The following DUSP29 variants were observed in gnomAD, a reference collection of about 807,000 sequenced individuals.
DUSP29 encodes atypical dual-specific protein phosphatase.
In DUSP29, 12 loss-of-function variants were observed where a neutral mutation model predicts 13.5. That is an observed-to-expected ratio of 0.89 (90% CI 0.57 to 1.44). The LOEUF is 1.44. Among genes scored for constraint, DUSP29 ranks in the 40% most tolerant of loss-of-function variants. The probability of loss-of-function intolerance (pLI) is 0.00; values close to 1 mark genes in which losing one functional copy is unlikely to be tolerated. For missense variants in DUSP29, 308 were observed against 301.1 expected (o/e 1.02, Z -0.17); for synonymous variants, 134 against 128.7 (o/e 1.04, Z -0.28).
intron 1 of DUSP29, among the ~76,000 whole-genome samples, chr10:75,073,019 G>A (rs1038087323): frequency 8.7e-5 from 13 of 149,686 alleles, no homozygotes; most frequent in African/African-American, 2.7e-4. Context: ...CCACGGCAGC[G>A]TCATCCCCAA....
intron 3 of DUSP29, among the ~76,000 whole-genome samples, chr10:75,040,456 C>T (rs1354501150): frequency 2.6e-5 from 4 of 152,156 alleles, no homozygotes; most frequent in East Asian, 1.9e-4. Context: ...CGGAGGATGC[C>T]GAATCGGGGG....
rs570669150 is a variant in DUSP29 at position 75,041,246 on chromosome 10, G to A, written c.421+2551C>T. Among the ~76,000 whole-genome samples the A allele has an allele frequency of 3.0e-4, 46 of 152,290 alleles. 1 individual carries two copies. In the South Asian group the frequency reaches 9.1e-3, roughly 30 times the overall value. ...GTGGCATTGCTGCTGCTGAGCTAGC[G>A]GGCATTTTGTTTGGTTGCTCTGGCC... is the stretch of plus-strand genomic sequence containing the variant. On this transcript the variant is annotated intron_variant, in intron 3 of 3. Transcript: ENST00000338487.
intron 2 of DUSP29, among the ~76,000 whole-genome samples, chr10:75,045,041 T>A (rs542221928): frequency 1.3e-5 from 2 of 152,342 alleles, no homozygotes; most frequent in East Asian, 3.9e-4. Context: ...TGCCAGGCAC[T>A]GTGCTGGGTG....
chr10:75,056,999 G>T (rs1055679933), intron 2 of DUSP29, among the ~76,000 whole-genome samples: 1 of 152,200 alleles, frequency 6.6e-6, no homozygotes, highest in African/African-American at 2.4e-5. Context: ...ATATAGGCCG[G>T]GCACGGTGGC....
At position 75,058,223 on chromosome 10, in the gene DUSP29, A is replaced by T. The variant is rs1589865202; in HGVS notation, c.200+92T>A. 7 of 1,458,892 alleles carry T rather than the reference A, an allele frequency of 4.8e-6. No homozygotes were observed. The East Asian group carries it at 1.6e-4, about 33-fold the overall frequency. The allele number at this position is 1,458,892 out of a possible 1,614,324, so 90.4% of individuals were successfully genotyped here. A position where few individuals can be genotyped will look rare whatever the true frequency, so the allele number is the denominator to read the frequency against. ...TTGAGTTCTCACAGAACGACTACAA[A>T]TTCCAAAGCCCATGGCTAGGAGGTG... On this transcript the variant is annotated intron_variant, in intron 2 of 3. Transcript: ENST00000338487.
intron 2 of DUSP29, among the ~76,000 whole-genome samples, chr10:75,050,296 C>T (rs1340298743): frequency 1.3e-5 from 2 of 152,180 alleles, no homozygotes; most frequent in African/African-American, 4.8e-5. Flanking sequence ...TGCTTTCGAG[C>T]GTACTCAAGC....
chr10:75,055,782 C>A (rs903117403), intron 2 of DUSP29, among the ~76,000 whole-genome samples: 1 of 152,168 alleles, frequency 6.6e-6, no homozygotes, highest in Non-Finnish European at 1.5e-5. Context: ...AAGAAGAAAA[C>A]CTTAGAGAGT....
intron 2 of DUSP29, among the ~76,000 whole-genome samples, chr10:75,047,814 C>T (rs1293536079): frequency 6.6e-6 from 1 of 152,194 alleles, no homozygotes; most frequent in East Asian, 1.9e-4. Context: ...ACCTGTATTT[C>T]TACTCCCCTG....
intron 1 of DUSP29, among the ~76,000 whole-genome samples, 152 bp from the exon 2 acceptor site, chr10:75,058,700 C>T (rs577241716): frequency 6.6e-6 from 1 of 152,316 alleles, no homozygotes; most frequent in Non-Finnish European, 1.5e-5. Context: ...CCAGGCCACA[C>T]AGGTAAACAA....
intron 1 of DUSP29, among the ~76,000 whole-genome samples, chr10:75,064,836 A>T (rs1847162979): frequency 6.6e-6 from 1 of 152,140 alleles, no homozygotes; most frequent in African/African-American, 2.4e-5. Context: ...CTAGGAAAAA[A>T]ATACATCAAA....
In DUSP29 at chr10:75,038,604, A is replaced by T. The variant is rs115845164; in HGVS notation, c.422-527T>A. On this transcript the variant is annotated intron_variant, in intron 3 of 3. Transcript: ENST00000338487. ...AGAAAACAGGGTAATTCTTTCTGTC[A>T]TGACTCAGTACTTGAAACAGATGAA... Among the ~76,000 whole-genome samples the T allele has an allele frequency of 5.1e-3, 776 of 152,102 alleles. 7 individuals carry two copies. Among genetic ancestry groups the T allele is most frequent in the African/African-American group, 0.018 (741 of 41,484 alleles).
chr10:75,058,268 GA>G, intron 2 of DUSP29, 46 bp downstream of exon 2: 1 of 1,581,922 alleles, frequency 6.3e-7, no homozygotes, highest in Non-Finnish European at 8.6e-7. Flanking sequence ...GTGGCCTGGG[GA>G]GGGGCTGCTG....
At chr10:75,050,400 G>C (rs1846801216) in intron 2 of DUSP29, among the ~76,000 whole-genome samples, 1 of 152,374 alleles carries the variant, frequency 6.6e-6, no homozygotes, top group South Asian at 2.1e-4. Flanking sequence ...CTCTCTGGAG[G>C]ACAACACTTG....
chr10:75,043,509 G>A (rs1271564989), intron 3 of DUSP29, among the ~76,000 whole-genome samples: 1 of 152,206 alleles, frequency 6.6e-6, no homozygotes, highest in African/African-American at 2.4e-5. Flanking sequence ...CCCACCAGCA[G>A]CACGCTGGGT....
rs999233098 is a variant in DUSP29 at position 75,053,031 on chromosome 10, C to T, written c.200+5284G>A. Among the ~76,000 whole-genome samples, 4 of 152,370 alleles carry T rather than the reference C, an allele frequency of 2.6e-5. No homozygotes were observed. The East Asian group carries it at 5.8e-4, about 22-fold the overall frequency. On this transcript the variant is annotated intron_variant, in intron 2 of 3. Transcript: ENST00000338487. ...AGGCTGGCAAGATCTCAAATCAGGG[C>T]TGCTCTATCACCCTGGGTCCTAGAG... is the stretch of plus-strand genomic sequence containing the variant.
intron 1 of DUSP29, among the ~76,000 whole-genome samples, chr10:75,069,435 G>T (rs1847273832): frequency 6.6e-6 from 1 of 152,188 alleles, no homozygotes; most frequent in South Asian, 2.1e-4. Flanking sequence ...GGTTTCACAG[G>T]AACCATTTCC....
intron 1 of DUSP29, among the ~76,000 whole-genome samples, chr10:75,072,528 A>G (rs117519095): frequency 0.02 from 3,030 of 152,142 alleles, 53 homozygotes; most frequent in East Asian, 0.034. Flanking sequence ...AACTCAGCTC[A>G]GAAGCCCTTC....
At position 75,043,827 on chromosome 10, in the gene DUSP29, A is replaced by AGGCTGCCGCC; in HGVS notation, c.381_390dup (p.Phe131GlyfsTer15). 6.2e-7 allele frequency: 1 copy of AGGCTGCCGCC among 1,613,736 alleles called. No homozygotes were observed. On this transcript the variant is annotated frameshift_variant, in exon 3 of 4. Coordinates refer to ENST00000338487, the MANE Select transcript of DUSP29 (RefSeq NM_001003892.3). LOFTEE classifies it high-confidence loss of function. ...TCGTCGCTTAGCGCTCTGTCGATGA[A>AGGCTGCCGCC]GGCTGCCGCCGGGTAGAAGAAGACA...
chr10:75,069,481 C>G (rs570883548), intron 1 of DUSP29, among the ~76,000 whole-genome samples: 1 of 152,198 alleles, frequency 6.6e-6, no homozygotes, highest in Non-Finnish European at 1.5e-5. Flanking sequence ...CTTCCTTGTT[C>G]GGGGAAGGGC....
Sources: gnomAD v4.1 joint callset for allele counts (sites outside exome capture counted in the v4.1 genomes callset) on GRCh38, gnomAD v4.1.1 for gene constraint, MANE v1.5 for transcripts, NCBI Gene and HGNC (gene_info 2026-07-23, HGNC 2026-07-21) for gene names.